SUGCT: variants seen among roughly 807,000 people sequenced by gnomAD.
The protein encoded by SUGCT is succinyl-CoA:glutarate-CoA transferase, also known as succinyl-CoA:glutarate CoA-transferase.
In SUGCT, 41 loss-of-function variants were observed where a neutral mutation model predicts 55.0. The observed-to-expected ratio is 0.74, with a 90% CI of 0.58 to 0.97. SUGCT has a LOEUF of 0.97. Among genes scored for constraint, SUGCT ranks in the 50% least tolerant of loss-of-function variants. The pLI is 0.00. For synonymous variants in SUGCT, 187 were observed against 200.4 expected (o/e 0.93, Z 0.56); for missense variants, 568 against 547.8 (o/e 1.04, Z -0.37).
the SUGCT span, among the ~76,000 whole-genome samples, chr7:40,936,456 G>T: frequency 6.6e-6 from 1 of 151,672 alleles, no homozygotes; most frequent in Non-Finnish European, 1.5e-5. Flanking sequence ...TTTCACTCAT[G>T]ATTTTAGTAA....
intron 12 of SUGCT, among the ~76,000 whole-genome samples, chr7:40,578,018 C>A (rs2151704579): frequency 6.6e-6 from 1 of 152,312 alleles, no homozygotes; most frequent in East Asian, 1.9e-4. Flanking sequence ...CCATTGCCCC[C>A]TTCTCTGTCT....
intron 6 of SUGCT, among the ~76,000 whole-genome samples, chr7:40,234,961 T>G (rs1434815782): frequency 6.6e-6 from 1 of 152,100 alleles, no homozygotes; most frequent in Non-Finnish European, 1.5e-5. Context: ...TTATTTTTTC[T>G]TCATGTAACA....
chr7:40,951,750 T>C, the SUGCT span, among the ~76,000 whole-genome samples: 1 of 152,214 alleles, frequency 6.6e-6, no homozygotes, highest in African/African-American at 2.4e-5. Flanking sequence ...AGTTTCCATG[T>C]AGTTGAGTGG....
intron 9 of SUGCT, among the ~76,000 whole-genome samples, chr7:40,376,328 AC>A (rs1408806689): frequency 6.6e-6 from 1 of 151,982 alleles, no homozygotes; most frequent in African/African-American, 2.4e-5. Context: ...TATTATTTCA[AC>A]CGTTGTGATC....
At chr7:40,296,085 C>T (rs1359193548) in intron 8 of SUGCT, among the ~76,000 whole-genome samples, 1 of 152,106 alleles carries the variant, frequency 6.6e-6, no homozygotes, top group African/African-American at 2.4e-5. Context: ...GACTGAGATG[C>T]TGTTAATAGT....
At chr7:40,482,161 A>G (rs1791088784) in intron 11 of SUGCT, among the ~76,000 whole-genome samples, 1 of 152,188 alleles carries the variant, frequency 6.6e-6, no homozygotes, top group Non-Finnish European at 1.5e-5. Flanking sequence ...TTGAAGAAGT[A>G]CTCAGAAATT....
the SUGCT span, among the ~76,000 whole-genome samples, chr7:40,899,943 T>C: frequency 1.3e-5 from 2 of 152,164 alleles, no homozygotes; most frequent in Non-Finnish European, 1.5e-5. Flanking sequence ...AGCCCAGGCC[T>C]GGAGTTTCGC....
At chr7:40,771,401 A>C (rs1789097227) in intron 13 of SUGCT, among the ~76,000 whole-genome samples, 1 of 152,180 alleles carries the variant, frequency 6.6e-6, no homozygotes, top group African/African-American at 2.4e-5. Flanking sequence ...CTATCAAGTA[A>C]CACAATATAC....
chr7:40,357,887 T>A (rs185209130), intron 9 of SUGCT, among the ~76,000 whole-genome samples: 1 of 152,336 alleles, frequency 6.6e-6, no homozygotes, highest in East Asian at 1.9e-4. Flanking sequence ...GCAGGCTGAA[T>A]TTGGCCAGTA....
At chr7:40,557,494 C>G (rs1795610125) in intron 12 of SUGCT, among the ~76,000 whole-genome samples, 1 of 152,130 alleles carries the variant, frequency 6.6e-6, no homozygotes. Flanking sequence ...CTATCGAGGC[C>G]AGGCGTGGTG....
At chr7:40,931,597 A>T in the SUGCT span, among the ~76,000 whole-genome samples, 1 of 152,058 alleles carries the variant, frequency 6.6e-6, no homozygotes, top group Non-Finnish European at 1.5e-5. Context: ...CCTCAATTTC[A>T]CAGCCTGTTA....
intron 9 of SUGCT, among the ~76,000 whole-genome samples, chr7:40,321,584 T>C (rs1457145525): frequency 1.3e-5 from 2 of 151,794 alleles, no homozygotes; most frequent in East Asian, 3.9e-4. Context: ...GGTTTCACCA[T>C]GTTGGCCAGG....
At chr7:40,988,825 A>AT in the SUGCT span, among the ~76,000 whole-genome samples, 2 of 152,070 alleles carry the variant, frequency 1.3e-5, no homozygotes, top group African/African-American at 4.8e-5. Context: ...TTGTGACTTG[A>AT]TTTTTTCCAG....
At chr7:40,693,642 A>G (rs991925447) in intron 12 of SUGCT, among the ~76,000 whole-genome samples, 7 of 152,292 alleles carry the variant, frequency 4.6e-5, no homozygotes, top group African/African-American at 1.7e-4. Context: ...CATATTTGCT[A>G]AAAGATATAA....
chr7:40,532,528 G>GTGTC (rs1554360137), intron 12 of SUGCT, among the ~76,000 whole-genome samples: 28 of 113,424 alleles, frequency 2.5e-4, no homozygotes, highest in African/African-American at 8.6e-4. Flanking sequence ...AAGTATGTCT[G>GTGTC]TGTGTGTGTG....
chr7:40,972,464 G>A, the SUGCT span, among the ~76,000 whole-genome samples: 262 of 152,308 alleles, frequency 1.7e-3, no homozygotes, highest in African/African-American at 4.3e-3. Context: ...CAGCATGTAC[G>A]TTGGTTCCCC....
intron 7 of SUGCT, among the ~76,000 whole-genome samples, chr7:40,272,134 A>T (rs1459234650): frequency 1.1e-5 from 1 of 94,322 alleles, no homozygotes; most frequent in Non-Finnish European, 2.0e-5. Context: ...AAACAACTGC[A>T]ATGTGACATA....
At chr7:40,888,150 C>T in the SUGCT span, among the ~76,000 whole-genome samples, 2 of 152,138 alleles carry the variant, frequency 1.3e-5, no homozygotes, top group Non-Finnish European at 2.9e-5. Flanking sequence ...AAAGTGGCTA[C>T]ACAGACCGAG....
Position 40,472,077 on chromosome 7 carries a change from A to G in SUGCT, c.986+12879A>G, listed in dbSNP as rs775512751. Among the ~76,000 whole-genome samples the G allele has an allele frequency of 1.9e-4, 29 of 152,136 alleles. 1 individual carries two copies. Among genetic ancestry groups the G allele is most frequent in the Non-Finnish European group, 4.1e-4 (28 of 67,964 alleles). Reference sequence around the variant, plus strand: ...AGTGTTGCGTAAGACATAGTAAGACATACAGGTTCATTCCCTGCTGTGCAA... The same window carrying G: ...AGTGTTGCGTAAGACATAGTAAGACGTACAGGTTCATTCCCTGCTGTGCAA... On this transcript the variant is annotated intron_variant, in intron 11 of 13. Coordinates refer to ENST00000335693, the MANE Select transcript of SUGCT (RefSeq NM_001193313.2).
Sources: gnomAD v4.1 joint callset for allele counts (sites outside exome capture counted in the v4.1 genomes callset) on GRCh38, gnomAD v4.1.1 for gene constraint, MANE v1.5 for transcripts, NCBI Gene and HGNC (gene_info 2026-07-23, HGNC 2026-07-21) for gene names.